Variants in JARID2 observed in about 807,000 individuals in gnomAD.
JARID2 encodes protein Jumonji.
A neutral mutation model predicts 125.6 loss-of-function variants in JARID2; 21 were observed. The observed-to-expected ratio is 0.17, with a 90% CI of 0.12 to 0.24. The LOEUF (loss-of-function observed/expected upper bound fraction) is 0.24. Among genes scored for constraint, JARID2 ranks in the 10% least tolerant of loss-of-function variants. The probability of loss-of-function intolerance (pLI) is 1.00; values close to 1 mark genes in which losing one functional copy is unlikely to be tolerated. For synonymous variants in JARID2, 736 were observed against 661.6 expected (o/e 1.11, Z -1.73); for missense variants, 1,303 against 1,639.6 (o/e 0.79, Z 3.55).
intron 1 of JARID2, among the ~76,000 whole-genome samples, chr6:15,327,763 G>A (rs1762581010): frequency 6.6e-6 from 1 of 152,164 alleles, no homozygotes. Context: ...AATTCAAGAA[G>A]CAGATGAATG....
chr6:15,247,693 G>A, intron 1 of JARID2: 4 of 985,260 alleles, frequency 4.1e-6, no homozygotes, highest in Non-Finnish European at 4.8e-6. Flanking sequence ...CACTGGTTTT[G>A]TAAAAAAATA....
At chr6:15,276,703 G>A (rs1310073694) in intron 1 of JARID2, among the ~76,000 whole-genome samples, 1 of 152,050 alleles carries the variant, frequency 6.6e-6, no homozygotes, top group East Asian at 1.9e-4. Flanking sequence ...TTTTTGTTAT[G>A]GAAATAACAG....
At chr6:15,501,433 A>G (rs1454460253) in intron 8 of JARID2, 24 bp downstream of exon 8, 1 of 1,513,950 alleles carries the variant, frequency 6.6e-7, no homozygotes, top group African/African-American at 1.4e-5. Flanking sequence ...CAGAGCAGCC[A>G]CTCCCAGCTG....
At chr6:15,265,215 T>C (rs1760035531) in intron 1 of JARID2, among the ~76,000 whole-genome samples, 1 of 152,172 alleles carries the variant, frequency 6.6e-6, no homozygotes, top group Non-Finnish European at 1.5e-5. Flanking sequence ...TTGGTTGTCC[T>C]TGTAATGTTG....
chr6:15,463,538 C>T (rs535330768), intron 4 of JARID2, among the ~76,000 whole-genome samples: 2 of 150,510 alleles, frequency 1.3e-5, no homozygotes, highest in South Asian at 2.1e-4. Context: ...TCAAGTGATT[C>T]TCCTGCTTCA....
intron 1 of JARID2, among the ~76,000 whole-genome samples, chr6:15,369,995 G>C (rs1326786058): frequency 2.0e-5 from 3 of 152,202 alleles, no homozygotes; most frequent in African/African-American, 7.2e-5. Context: ...ATTAGTCTCT[G>C]TGGGGAGTGT....
At chr6:15,266,491 A>T (rs1031139643) in intron 1 of JARID2, among the ~76,000 whole-genome samples, 1 of 152,236 alleles carries the variant, frequency 6.6e-6, no homozygotes, top group African/African-American at 2.4e-5. Context: ...GCAGGGCCTC[A>T]TAAGGAAACA....
rs200047981 is a variant in JARID2, at chr6:15,269,542, A to AT, written c.45+22967dup. Among the ~76,000 whole-genome samples, 538 of 141,974 alleles carry AT rather than the reference A, an allele frequency of 3.8e-3. 4 individuals are homozygous for AT. Among genetic ancestry groups the AT allele is most frequent in the Admixed American group, 0.024 (347 of 14,286 alleles). 93.1% of individuals were successfully genotyped at this position (141,974 alleles called of 152,430 possible). On this transcript the variant is annotated intron_variant, in intron 1 of 17. Transcript: ENST00000341776. ...TGACACCACACTTGGCTAATTTTTA[A>AT]TTTTTTTTTGTAGAGATGGCTATTT...
At chr6:15,397,960 A>T (rs2127551044) in intron 2 of JARID2, among the ~76,000 whole-genome samples, 1 of 152,220 alleles carries the variant, frequency 6.6e-6, no homozygotes, top group East Asian at 1.9e-4. Flanking sequence ...TATTATAAAT[A>T]CTCCATTGTG....
chr6:15,389,163 T>G (rs1764906616), intron 2 of JARID2, among the ~76,000 whole-genome samples: 2 of 152,198 alleles, frequency 1.3e-5, no homozygotes. Context: ...TTATATTTAA[T>G]CAATTTATTT....
At chr6:15,457,317 A>G (rs984499593) in intron 4 of JARID2, among the ~76,000 whole-genome samples, 8 of 152,138 alleles carry the variant, frequency 5.3e-5, no homozygotes, top group Admixed American at 1.3e-4. Flanking sequence ...GGCAAAGTTG[A>G]CAGTTGGGAA....
chr6:15,316,139 A>G (rs530460782), intron 1 of JARID2, among the ~76,000 whole-genome samples: 2 of 151,978 alleles, frequency 1.3e-5, no homozygotes, highest in African/African-American at 2.4e-5. Flanking sequence ...TTTTTTTGAC[A>G]TGGAGTCTCA....
At chr6:15,349,179 T>G (rs1763345261) in intron 1 of JARID2, among the ~76,000 whole-genome samples, 1 of 152,198 alleles carries the variant, frequency 6.6e-6, no homozygotes. Context: ...AGGGGTGATG[T>G]GGTAGATAGG....
intron 1 of JARID2, among the ~76,000 whole-genome samples, chr6:15,349,883 G>T (rs1763367575): frequency 6.6e-6 from 1 of 152,120 alleles, no homozygotes; most frequent in Non-Finnish European, 1.5e-5. Flanking sequence ...GGACACCGTT[G>T]AAATGTATAT....
chr6:15,358,852 G>A (rs1763694375), intron 1 of JARID2, among the ~76,000 whole-genome samples: 1 of 152,202 alleles, frequency 6.6e-6, no homozygotes, highest in Admixed American at 6.5e-5. Flanking sequence ...GGCTGATTTG[G>A]GAGATGGCGG....
At chr6:15,364,662 T>C (rs1763913229) in intron 1 of JARID2, among the ~76,000 whole-genome samples, 1 of 152,206 alleles carries the variant, frequency 6.6e-6, no homozygotes, top group Non-Finnish European at 1.5e-5. Flanking sequence ...GTTTTCTTGG[T>C]AAATGGAGTA....
intron 3 of JARID2, among the ~76,000 whole-genome samples, chr6:15,431,705 G>A (rs1192784516): frequency 6.6e-6 from 1 of 152,202 alleles, no homozygotes; most frequent in Non-Finnish European, 1.5e-5. Context: ...AGCAATTTAA[G>A]CACTGTAAGA....
At chr6:15,349,606 G>GT (rs1763358290) in intron 1 of JARID2, among the ~76,000 whole-genome samples, 1 of 152,128 alleles carries the variant, frequency 6.6e-6, no homozygotes, top group African/African-American at 2.4e-5. Context: ...CTCATCACGC[G>GT]TGAGGAGCTC....
chr6:15,512,488 T>C, intron 14 of JARID2, 98 bp downstream of exon 14: 11 of 1,081,794 alleles, frequency 1.0e-5, no homozygotes, highest in Non-Finnish European at 1.5e-5. Flanking sequence ...GCGTGTCTAT[T>C]TGTCAATAGT....
Sources: gnomAD v4.1 joint callset for allele counts (sites outside exome capture counted in the v4.1 genomes callset) on GRCh38, gnomAD v4.1.1 for gene constraint, MANE v1.5 for transcripts, NCBI Gene and HGNC (gene_info 2026-07-23, HGNC 2026-07-21) for gene names.